HCRTR2: variants seen among roughly 807,000 people sequenced by gnomAD.
HCRTR2 encodes hypocretin receptor 2.
In HCRTR2, 22 loss-of-function variants were observed where a neutral mutation model predicts 49.0. The ratio of observed to expected loss-of-function variants is 0.45; its 90% CI spans 0.32 to 0.64. The LOEUF is 0.64. Ranked by LOEUF, HCRTR2 falls within the 30% of genes least tolerant of loss-of-function variation. HCRTR2 has a pLI of 0.04. For synonymous variants in HCRTR2, 236 were observed against 205.3 expected (o/e 1.15, Z -1.28); for missense variants, 491 against 559.4 (o/e 0.88, Z 1.23).
intron 1 of HCRTR2, among the ~76,000 whole-genome samples, chr6:55,199,889 A>G (rs959143073): frequency 6.6e-6 from 1 of 152,226 alleles, no homozygotes; most frequent in Non-Finnish European, 1.5e-5. Flanking sequence ...TCACAGGTTT[A>G]TTCACTGCAT....
At chr6:55,271,746 A>G (rs910626758) in intron 4 of HCRTR2, among the ~76,000 whole-genome samples, 1 of 152,124 alleles carries the variant, frequency 6.6e-6, no homozygotes, top group African/African-American at 2.4e-5. Context: ...AAGATATACA[A>G]ATGGTCAATA....
At chr6:55,230,409 T>C (rs570533365) in intron 1 of HCRTR2, among the ~76,000 whole-genome samples, 3 of 152,254 alleles carry the variant, frequency 2.0e-5, no homozygotes, top group East Asian at 3.9e-4. Context: ...AAAGCAGCAG[T>C]CATTATCTAA....
At chr6:55,138,879 A>C (rs1345164349) in intron 1 of HCRTR2, among the ~76,000 whole-genome samples, 1 of 152,188 alleles carries the variant, frequency 6.6e-6, no homozygotes, top group Non-Finnish European at 1.5e-5. Flanking sequence ...TTTGCTAGGC[A>C]CTCTTCCAGA....
rs1764054261 is a variant in HCRTR2, at chr6:55,111,982, G to C, written c.-378+5437G>C. Among the ~76,000 whole-genome samples, 4 of 151,956 alleles carry C rather than the reference G, an allele frequency of 2.6e-5. No individual in the cohort carries two copies. The South Asian group carries it at 8.3e-4, about 31-fold the overall frequency. On this transcript the variant is annotated intron_variant, in intron 1 of 7. Coordinates refer to the HCRTR2 transcript ENST00000615358. ...GTTTTATAGTAGGGATGCAGGAATG[G>C]TTTAACATATGCAAATCAATAAATG... is the stretch of plus-strand genomic sequence containing the variant.
rs1767164297 is a variant in HCRTR2, at chr6:55,280,319, G to T, written c.984-4G>T. 2.5e-6 allele frequency: 4 copies of T among 1,574,284 alleles called. No homozygotes were observed. Among genetic ancestry groups the T allele is most frequent in the Admixed American group, 1.7e-5 (1 of 59,700 alleles). ...ACACTTTTCTGTTGTTTCTTTTCCT[G>T]CAGAGTATTTGGGATGTTTGCCCAT... On this transcript the variant is annotated splice_polypyrimidine_tract_variant and splice_region_variant and intron_variant, in intron 5 of 6. Coordinates refer to ENST00000370862, the MANE Select transcript of HCRTR2 (RefSeq NM_001384272.1).
At chr6:55,172,768 A>G (rs1255785130), upstream of HCRTR2, among the ~76,000 whole-genome samples, 1 of 152,088 alleles carries the variant, frequency 6.6e-6, no homozygotes, top group Non-Finnish European at 1.5e-5. Context: ...AAAAATGCAT[A>G]TGAAATAATT....
chr6:55,117,804 A>AT (rs57338357), intron 1 of HCRTR2, among the ~76,000 whole-genome samples: 2 of 149,270 alleles, frequency 1.3e-5, no homozygotes, highest in African/African-American at 2.5e-5. Context: ...AAAAAAAAAA[A>AT]GGGAACTGGA....
At chr6:55,281,044 G>T (rs1272330133) in intron 6 of HCRTR2, among the ~76,000 whole-genome samples, 6 of 152,016 alleles carry the variant, frequency 3.9e-5, no homozygotes, top group Admixed American at 3.3e-4. Flanking sequence ...AATCACTATT[G>T]TTTATTCACA....
intron 1 of HCRTR2, among the ~76,000 whole-genome samples, chr6:55,115,692 T>C (rs1764106681): frequency 6.6e-6 from 1 of 151,666 alleles, no homozygotes; most frequent in African/African-American, 2.4e-5. Flanking sequence ...TGGAAAGCAA[T>C]TGACATGTCC....
chr6:55,161,854 G>GA (rs1455520710), intron 1 of HCRTR2, among the ~76,000 whole-genome samples: 2 of 151,744 alleles, frequency 1.3e-5, no homozygotes, highest in Admixed American at 1.3e-4. Flanking sequence ...GCGTTCCAAT[G>GA]AAAAAAAGCC....
chr6:55,154,598 G>A (rs1764705833), intron 1 of HCRTR2, among the ~76,000 whole-genome samples: 1 of 151,644 alleles, frequency 6.6e-6, no homozygotes, highest in African/African-American at 2.4e-5. Flanking sequence ...TTTTCTCTAA[G>A]ATCAAGAACA....
At chr6:55,162,308 C>T (rs1937455952) in intron 1 of HCRTR2, among the ~76,000 whole-genome samples, 1 of 152,192 alleles carries the variant, frequency 6.6e-6, no homozygotes, top group South Asian at 2.1e-4. Context: ...TAAAAACTCT[C>T]AATAAGCTAG....
At chr6:55,269,248 A>G (rs961556777) in intron 4 of HCRTR2, among the ~76,000 whole-genome samples, 4 of 152,052 alleles carry the variant, frequency 2.6e-5, no homozygotes, top group Non-Finnish European at 5.9e-5. Flanking sequence ...CACATAAAAC[A>G]TTTTCCAGGT....
chr6:55,224,653 G>A (rs1232439323), intron 1 of HCRTR2, among the ~76,000 whole-genome samples: 1 of 151,112 alleles, frequency 6.6e-6, no homozygotes, highest in East Asian at 1.9e-4. Context: ...AAGAAAACGT[G>A]GTATATATAC....
chr6:55,178,728 C>G (rs2127271524), intron 1 of HCRTR2, among the ~76,000 whole-genome samples: 1 of 152,318 alleles, frequency 6.6e-6, no homozygotes, highest in South Asian at 2.1e-4. Flanking sequence ...ACACATTACT[C>G]TCCTTTTCCA....
intron 1 of HCRTR2, among the ~76,000 whole-genome samples, chr6:55,129,101 A>T (rs879453647): frequency 6.6e-6 from 1 of 152,098 alleles, no homozygotes; most frequent in Non-Finnish European, 1.5e-5. Flanking sequence ...TCCCTAGAAA[A>T]CAGTCTTTGA....
chr6:55,130,909 A>G (rs1169687079), intron 1 of HCRTR2, among the ~76,000 whole-genome samples: 1 of 151,850 alleles, frequency 6.6e-6, no homozygotes, highest in African/African-American at 2.4e-5. Flanking sequence ...CAAAATAAAG[A>G]TTGCTTGAGA....
At chr6:55,182,444 G>T (rs545600509) in intron 1 of HCRTR2, among the ~76,000 whole-genome samples, 2 of 152,296 alleles carry the variant, frequency 1.3e-5, no homozygotes, top group South Asian at 2.1e-4. Flanking sequence ...GCTGCCTTGT[G>T]GTGAGCAGCT....
At chr6:55,239,772 A>ATTTTTTTTTTTTTTTTTTTTTT (rs35160150) in intron 1 of HCRTR2, among the ~76,000 whole-genome samples, 1 of 121,354 alleles carries the variant, frequency 8.2e-6, no homozygotes, top group Non-Finnish European at 1.7e-5. Context: ...TAGGCGGTAA[A>ATTTTTTTTTTTTTTTTTTTTTT]TTTTTTTTTT....
Sources: allele counts gnomAD v4.1 joint callset (sites outside exome capture counted in the v4.1 genomes callset), GRCh38; gene constraint gnomAD v4.1.1; transcripts MANE v1.5; gene names NCBI Gene and HGNC (gene_info 2026-07-23, HGNC 2026-07-21).